LINGO2: variants seen among roughly 807,000 people sequenced by gnomAD.
The protein encoded by LINGO2 is leucine rich repeat and Ig domain containing 2, also known as leucine-rich repeat and immunoglobulin-like domain-containing nogo receptor-interacting protein 2.
LINGO2 carries 14 observed loss-of-function variants against 30.6 expected under a neutral mutation model. The observed-to-expected ratio is 0.46, with a 90% CI of 0.30 to 0.72. LINGO2 has a LOEUF of 0.72. LINGO2 is among the 30% of genes least tolerant of loss of function. The pLI is 0.07. For synonymous variants in LINGO2, 317 were observed against 288.5 expected, an observed-to-expected ratio of 1.10 and a Z score of -1.00; for missense variants, 729 against 751.7, an observed-to-expected ratio of 0.97 and a Z score of 0.35.
At chr9:28,295,622 T>C (rs1164294479) in intron 3 of LINGO2, among the ~76,000 whole-genome samples, 2 of 152,164 alleles carry the variant, frequency 1.3e-5, no homozygotes, top group Non-Finnish European at 2.9e-5. Context: ...TAATGAACAT[T>C]ATTGATATTA....
At chr9:28,861,381 C>A in the LINGO2 span, among the ~76,000 whole-genome samples, 1 of 135,458 alleles carries the variant, frequency 7.4e-6, no homozygotes, top group Non-Finnish European at 1.5e-5. Flanking sequence ...ACACAAAAAT[C>A]TTGTTGGTTC....
chr9:28,523,173 T>C (rs1207820400), intron 1 of LINGO2, among the ~76,000 whole-genome samples: 1 of 151,476 alleles, frequency 6.6e-6, no homozygotes, highest in East Asian at 1.9e-4. Flanking sequence ...CTAAAATAAA[T>C]GAACACAAAA....
At chr9:28,789,397 T>A in the LINGO2 span, among the ~76,000 whole-genome samples, 1 of 152,186 alleles carries the variant, frequency 6.6e-6, no homozygotes, top group Non-Finnish European at 1.5e-5. Context: ...ACATTTTATC[T>A]GAAATATAAT....
the LINGO2 span, among the ~76,000 whole-genome samples, chr9:29,116,680 GAA>G: frequency 7.4e-6 from 1 of 134,790 alleles, no homozygotes. Flanking sequence ...TAATGTTCAA[GAA>G]AAAAAAAAAA....
intron 4 of LINGO2, among the ~76,000 whole-genome samples, chr9:28,185,092 G>C (rs1310332666): frequency 6.6e-6 from 1 of 152,134 alleles, no homozygotes; most frequent in African/African-American, 2.4e-5. Context: ...ACATATTTCA[G>C]GTACCAGCTT....
At chr9:28,415,802 A>T (rs1468667972) in intron 2 of LINGO2, among the ~76,000 whole-genome samples, 4 of 152,326 alleles carry the variant, frequency 2.6e-5, no homozygotes, top group Non-Finnish European at 5.9e-5. Flanking sequence ...CTGTTTTACA[A>T]GCAATTATTA....
At chr9:28,715,233 A>G in the LINGO2 span, among the ~76,000 whole-genome samples, 1 of 152,316 alleles carries the variant, frequency 6.6e-6, no homozygotes, top group East Asian at 1.9e-4. Context: ...AAATGAGCAG[A>G]CTGTTCACAC....
chr9:27,995,634 C>G (rs1821624115), intron 5 of LINGO2, among the ~76,000 whole-genome samples: 1 of 151,960 alleles, frequency 6.6e-6, no homozygotes, highest in Non-Finnish European at 1.5e-5. Flanking sequence ...CAATAAATGC[C>G]AAAAAGCACT....
At chr9:28,989,662 T>C in the LINGO2 span, among the ~76,000 whole-genome samples, 8 of 152,330 alleles carry the variant, frequency 5.3e-5, no homozygotes, top group South Asian at 2.1e-4. Flanking sequence ...TCTAGAACTC[T>C]GAAATAAAAT....
chr9:28,033,724 C>T (rs987069736), intron 4 of LINGO2, among the ~76,000 whole-genome samples: 3 of 152,158 alleles, frequency 2.0e-5, no homozygotes, highest in Non-Finnish European at 2.9e-5. Flanking sequence ...ACAAAGCTCA[C>T]ATCATGTGTG....
At chr9:28,980,400 C>T in the LINGO2 span, among the ~76,000 whole-genome samples, 4 of 151,960 alleles carry the variant, frequency 2.6e-5, no homozygotes, top group Non-Finnish European at 5.9e-5. Context: ...CCTTTCAGTG[C>T]TTCTCATCTC....
chr9:28,698,808 A>G, the LINGO2 span, among the ~76,000 whole-genome samples: 14,765 of 151,920 alleles, frequency 0.097, 960 homozygotes, highest in East Asian at 0.2. Context: ...TTGGGAGTCC[A>G]AGACTGGAGG....
At chr9:28,421,024 AG>A (rs1222511084) in intron 2 of LINGO2, among the ~76,000 whole-genome samples, 1 of 152,190 alleles carries the variant, frequency 6.6e-6, no homozygotes, top group South Asian at 2.1e-4. Context: ...CTTAATAATA[AG>A]CCATTTAATA....
At chr9:28,972,843 T>G in the LINGO2 span, among the ~76,000 whole-genome samples, 1 of 152,158 alleles carries the variant, frequency 6.6e-6, no homozygotes, top group African/African-American at 2.4e-5. Flanking sequence ...CTTGTGAGAC[T>G]TATTCACTGT....
chr9:28,029,891 G>A (rs996637492), intron 4 of LINGO2, among the ~76,000 whole-genome samples: 1 of 152,156 alleles, frequency 6.6e-6, no homozygotes, highest in Non-Finnish European at 1.5e-5. Context: ...TTATAGGTCA[G>A]AAAGGCACAA....
the LINGO2 span, among the ~76,000 whole-genome samples, chr9:29,188,163 C>G: frequency 1.3e-5 from 2 of 151,094 alleles, no homozygotes; most frequent in Non-Finnish European, 3.0e-5. Context: ...GAGGACCCTG[C>G]GGCCTTCCGC....
the LINGO2 span, among the ~76,000 whole-genome samples, chr9:28,976,987 T>C: frequency 6.6e-6 from 1 of 152,158 alleles, no homozygotes; most frequent in African/African-American, 2.4e-5. Flanking sequence ...AGTGATATAC[T>C]GTCATTTCAG....
the LINGO2 span, among the ~76,000 whole-genome samples, chr9:28,686,073 GC>G: frequency 6.6e-5 from 10 of 151,920 alleles, no homozygotes; most frequent in African/African-American, 2.2e-4. Context: ...TTTTAAAACA[GC>G]TTTATTTTCT....
chr9:28,042,657 A>ATGAATTT (rs1824246311), intron 4 of LINGO2, among the ~76,000 whole-genome samples: 1 of 152,138 alleles, frequency 6.6e-6, no homozygotes, highest in Non-Finnish European at 1.5e-5. Context: ...AAATTCATAT[A>ATGAATTT]TTCAATCTAT....
Sources: allele counts gnomAD v4.1 joint callset (sites outside exome capture counted in the v4.1 genomes callset), GRCh38; gene constraint gnomAD v4.1.1; transcripts MANE v1.5; gene names NCBI Gene and HGNC (gene_info 2026-07-23, HGNC 2026-07-21).